Variants in HS6ST2 observed in about 807,000 individuals in gnomAD.
HS6ST2 encodes heparan-sulfate 6-O-sulfotransferase 2.
HS6ST2 carries 17 observed loss-of-function variants against 33.0 expected under a neutral mutation model. That is an observed-to-expected ratio of 0.52 (90% CI 0.35 to 0.77). The LOEUF is 0.77. Among genes scored for constraint, HS6ST2 ranks in the 30% least tolerant of loss-of-function variants. HS6ST2 has a pLI of 0.01. For missense variants in HS6ST2, 519 were observed against 551.7 expected, an observed-to-expected ratio of 0.94 and a Z score of 0.59; for synonymous variants, 248 against 237.1, an observed-to-expected ratio of 1.05 and a Z score of -0.42.
intron 2 of HS6ST2, among the ~76,000 whole-genome samples, chrX:132,770,801 T>A (rs1428747304): frequency 9.0e-6 from 1 of 111,270 alleles, no homozygotes; most frequent in African/African-American, 3.3e-5. Context: ...TGGTGGGCAG[T>A]GTGGCTAATA....
chrX:132,742,676 C>T (rs1316815516), intron 2 of HS6ST2, among the ~76,000 whole-genome samples: 2 of 112,562 alleles, frequency 1.8e-5, no homozygotes, highest in African/African-American at 3.2e-5. Context: ...AAATCTGACT[C>T]TTATTTTTGT....
chrX:132,737,723 G>A (rs2064522513), intron 2 of HS6ST2, among the ~76,000 whole-genome samples: 1 of 112,609 alleles, frequency 8.9e-6, no homozygotes, highest in Non-Finnish European at 1.9e-5. Flanking sequence ...GCAAGCATAG[G>A]TGTTTGGCAT....
At chrX:132,825,039 A>G (rs954590426) in intron 2 of HS6ST2, among the ~76,000 whole-genome samples, 2 of 112,219 alleles carry the variant, frequency 1.8e-5, no homozygotes, top group Non-Finnish European at 3.8e-5. Flanking sequence ...GTTGCTTTCT[A>G]TGGAGAAGGC....
intron 2 of HS6ST2, among the ~76,000 whole-genome samples, chrX:132,834,323 G>T (rs2065620926): frequency 8.9e-6 from 1 of 112,256 alleles, no homozygotes; most frequent in African/African-American, 3.2e-5. Context: ...ACAAACTGAG[G>T]CTTTGAGAGG....
At chrX:132,775,799 C>G (rs560096601) in intron 2 of HS6ST2, among the ~76,000 whole-genome samples, 2 of 111,847 alleles carry the variant, frequency 1.8e-5, no homozygotes, top group African/African-American at 6.5e-5. Flanking sequence ...GAGATCTTCT[C>G]TATCACCTTT....
chrX:132,846,146 T>C (rs2065748650), intron 2 of HS6ST2, among the ~76,000 whole-genome samples: 1 of 112,499 alleles, frequency 8.9e-6, no homozygotes, highest in African/African-American at 3.2e-5. Flanking sequence ...GACTGTTTCC[T>C]ACCATTTAAC....
intron 4 of HS6ST2, among the ~76,000 whole-genome samples, chrX:132,643,522 G>A (rs2063617413): frequency 8.9e-6 from 1 of 111,847 alleles, no homozygotes; most frequent in Non-Finnish European, 1.9e-5. Context: ...TGGTTTGGCA[G>A]ACCTCTCAGA....
At chrX:132,874,643 C>G (rs1037183880) in intron 2 of HS6ST2, among the ~76,000 whole-genome samples, 5 of 111,878 alleles carry the variant, frequency 4.5e-5, no homozygotes, top group African/African-American at 1.6e-4. Context: ...AGAGGTCGGT[C>G]ATGATAGAGA....
At chrX:132,893,269 C>T (rs4830252) in intron 2 of HS6ST2, among the ~76,000 whole-genome samples, 26,031 of 111,528 alleles carry the variant, frequency 0.23, 2,751 homozygotes, top group Non-Finnish European at 0.33. Context: ...ACTCTAGCAG[C>T]ACCACAAAGG....
intron 2 of HS6ST2, among the ~76,000 whole-genome samples, chrX:132,870,978 C>G (rs1247098437): frequency 9.1e-6 from 1 of 110,187 alleles, no homozygotes; most frequent in African/African-American, 3.3e-5. Flanking sequence ...AGTGAACAGG[C>G]AACCTACAGG....
chrX:132,888,464 G>A (rs2066274923), intron 2 of HS6ST2, among the ~76,000 whole-genome samples: 1 of 111,823 alleles, frequency 8.9e-6, no homozygotes, highest in Non-Finnish European at 1.9e-5. Flanking sequence ...CCCACGACAC[G>A]TGGGAATTAT....
At chrX:132,822,767 A>G (rs773335043) in intron 2 of HS6ST2, among the ~76,000 whole-genome samples, 224 of 112,051 alleles carry the variant, frequency 2.0e-3, no homozygotes, top group African/African-American at 7.0e-3. Flanking sequence ...TTCCCTTAAG[A>G]GAGGGAAAAT....
intron 2 of HS6ST2, among the ~76,000 whole-genome samples, chrX:132,775,275 A>G (rs985379202): frequency 1.1e-4 from 12 of 110,674 alleles, no homozygotes; most frequent in Non-Finnish European, 2.1e-4. Context: ...TATAAATTCA[A>G]CCTCCTCCAG....
At chrX:132,820,793 A>G (rs762355353) in intron 2 of HS6ST2, among the ~76,000 whole-genome samples, 5 of 110,860 alleles carry the variant, frequency 4.5e-5, no homozygotes, top group Non-Finnish European at 7.6e-5. Context: ...CCATTCAATC[A>G]GAATTGAAAG....
chrX:132,954,203 T>C (rs2067043952), intron 2 of HS6ST2, among the ~76,000 whole-genome samples: 2 of 112,020 alleles, frequency 1.8e-5, no homozygotes, highest in Non-Finnish European at 3.8e-5. Context: ...GAGGGTCACA[T>C]GGCTGGTTAG....
intron 2 of HS6ST2, among the ~76,000 whole-genome samples, chrX:132,903,981 T>C (rs1018620635): frequency 8.9e-6 from 1 of 112,054 alleles, no homozygotes; most frequent in Non-Finnish European, 1.9e-5. Flanking sequence ...CATGTGGCCA[T>C]GGCCCAAAGG....
At chrX:132,922,659 T>C (rs1317533197) in intron 2 of HS6ST2, among the ~76,000 whole-genome samples, 1 of 111,942 alleles carries the variant, frequency 8.9e-6, no homozygotes, top group African/African-American at 3.2e-5. Flanking sequence ...CGGTGCAGCT[T>C]GGTTGTATAC....
chrX:132,783,229 G>A (rs1254762823), intron 2 of HS6ST2, among the ~76,000 whole-genome samples: 1 of 111,594 alleles, frequency 9.0e-6, no homozygotes, highest in African/African-American at 3.3e-5. Flanking sequence ...GTAACATATG[G>A]GTGAATGAAT....
intron 2 of HS6ST2, among the ~76,000 whole-genome samples, chrX:132,946,713 A>T (rs1259658802): frequency 2.7e-5 from 3 of 111,942 alleles, no homozygotes; most frequent in Non-Finnish European, 3.8e-5. Flanking sequence ...ACATGTATAC[A>T]TATGTAATAA....
Sources: gnomAD v4.1 joint callset for allele counts (sites outside exome capture counted in the v4.1 genomes callset) on GRCh38, gnomAD v4.1.1 for gene constraint, MANE v1.5 for transcripts, NCBI Gene and HGNC (gene_info 2026-07-23, HGNC 2026-07-21) for gene names.